The following ANO10 variants were observed in gnomAD, a reference collection of about 807,000 sequenced individuals.
The protein encoded by ANO10 is anoctamin 10.
ANO10 carries 77 observed loss-of-function variants against 74.7 expected under a neutral mutation model. That is an observed-to-expected ratio of 1.03 (90% CI 0.86 to 1.25). The LOEUF is 1.25. Among genes scored for constraint, ANO10 ranks in the 50% most tolerant of loss-of-function variants. The pLI is 0.00. For missense variants in ANO10, 721 were observed against 778.1 expected (o/e 0.93, Z 0.87); for synonymous variants, 279 against 284.9 (o/e 0.98, Z 0.21).
chr3:43,410,344 G>A (rs913125387), intron 12 of ANO10, among the ~76,000 whole-genome samples: 2 of 151,960 alleles, frequency 1.3e-5, no homozygotes, highest in African/African-American at 4.8e-5. Flanking sequence ...TTGAATTCCC[G>A]GGCTTAAGAG....
intron 1 of ANO10, among the ~76,000 whole-genome samples, chr3:43,687,329 T>C (rs1439993171): frequency 1.3e-5 from 2 of 152,208 alleles, no homozygotes; most frequent in Non-Finnish European, 2.9e-5. Context: ...CCCTTCTCCA[T>C]GCCCTCACTC....
intron 11 of ANO10, among the ~76,000 whole-genome samples, chr3:43,501,979 G>A (rs1327729172): frequency 6.6e-6 from 1 of 152,152 alleles, no homozygotes; most frequent in Admixed American, 6.5e-5. Flanking sequence ...CCATAGGATG[G>A]CTACTATAAA....
intron 11 of ANO10, among the ~76,000 whole-genome samples, chr3:43,546,933 TAAG>T (rs2079219872): frequency 6.6e-6 from 1 of 152,050 alleles, no homozygotes; most frequent in Admixed American, 6.6e-5. Flanking sequence ...CCCACAGATC[TAAG>T]AAGCTGAGCA....
rs36126977 is a variant in ANO10 at position 43,466,369 on chromosome 3, C to CAAA, written c.1798-33645_1798-33643dup. Among the ~76,000 whole-genome samples the CAAA allele has an allele frequency of 8.2e-4, 37 of 45,374 alleles. No individual in the cohort carries two copies. The East Asian group carries it at 0.018, about 22-fold the overall frequency. The allele number at this position is 45,374 out of a possible 152,430, so 29.8% of individuals were successfully genotyped here. On this transcript the variant is annotated intron_variant, in intron 11 of 12. Coordinates refer to ENST00000292246, the MANE Select transcript of ANO10 (RefSeq NM_018075.5). Reference sequence around the variant, plus strand: ...CTGGTGACAGAGCAAGACTCCATCTCAAAAAAAAAAAAAAAAAACAAACAA... The same window carrying CAAA: ...CTGGTGACAGAGCAAGACTCCATCTCAAAAAAAAAAAAAAAAAAAAACAAACAA...
At chr3:43,451,324 C>A (rs1223578835) in intron 11 of ANO10, among the ~76,000 whole-genome samples, 1 of 152,192 alleles carries the variant, frequency 6.6e-6, no homozygotes, top group African/African-American at 2.4e-5. Flanking sequence ...CTGTACCCAC[C>A]GACTAGTCTA....
chr3:43,386,905 G>C (rs139334440), intron 12 of ANO10, among the ~76,000 whole-genome samples: 1 of 152,188 alleles, frequency 6.6e-6, no homozygotes, highest in African/African-American at 2.4e-5. Context: ...TCTCCACTGG[G>C]AGGACAGAGG....
In ANO10 at chr3:43,605,708, A is replaced by T; in HGVS notation, c.139+6T>A. The T allele has an allele frequency of 6.2e-7, 1 of 1,612,172 alleles. No individual in the cohort carries two copies. The highest frequency in any genetic ancestry group is 1.3e-5 in the African/African-American group (1 of 74,968). On this transcript the variant is annotated splice_donor_region_variant and intron_variant, in intron 2 of 12. Coordinates refer to ENST00000292246, the MANE Select transcript of ANO10 (RefSeq NM_018075.5). ...ACTAAGTCTGAGCAGTGACTATTTT[A>T]CTCACCTCCATCTTTTTTTTTAGCT...
chr3:43,563,981 C>T (rs1337268074), intron 8 of ANO10, among the ~76,000 whole-genome samples: 3 of 152,142 alleles, frequency 2.0e-5, no homozygotes, highest in South Asian at 4.2e-4. Flanking sequence ...GTATTGTATG[C>T]TCCCAACATA....
intron 1 of ANO10, among the ~76,000 whole-genome samples, chr3:43,630,884 T>C (rs1006250683): frequency 1.4e-5 from 2 of 141,246 alleles, no homozygotes; most frequent in African/African-American, 2.5e-5. Context: ...CTTTGATGCC[T>C]TTTTTTTCCC....
chr3:43,403,925 C>G (rs1050733717), intron 12 of ANO10, among the ~76,000 whole-genome samples: 3 of 152,154 alleles, frequency 2.0e-5, no homozygotes, highest in Non-Finnish European at 4.4e-5. Flanking sequence ...GTAACCATAC[C>G]TTGTATAACA....
chr3:43,678,990 G>C (rs1363674839), intron 1 of ANO10, among the ~76,000 whole-genome samples: 1 of 152,156 alleles, frequency 6.6e-6, no homozygotes, highest in Non-Finnish European at 1.5e-5. Context: ...AGGAACAGCT[G>C]CAGTCTACAG....
At chr3:43,550,830 C>T (rs1320003861) in intron 10 of ANO10, among the ~76,000 whole-genome samples, 1 of 151,988 alleles carries the variant, frequency 6.6e-6, no homozygotes, top group Non-Finnish European at 1.5e-5. Context: ...TTTCCCTTGT[C>T]CCCTTTTCTT....
At chr3:43,568,980 G>A (rs1208501882) in intron 7 of ANO10, among the ~76,000 whole-genome samples, 269 of 135,372 alleles carry the variant, frequency 2.0e-3, no homozygotes, top group Middle Eastern at 3.8e-3. Context: ...TCAAATAGAC[G>A]CAATAAAAAA....
At chr3:43,631,958 A>G (rs2083552753) in intron 1 of ANO10, among the ~76,000 whole-genome samples, 1 of 151,494 alleles carries the variant, frequency 6.6e-6, no homozygotes, top group African/African-American at 2.4e-5. Flanking sequence ...CTATAATCCC[A>G]GCTACTTGGG....
intron 12 of ANO10, among the ~76,000 whole-genome samples, chr3:43,393,864 C>G (rs888938346): frequency 2.0e-5 from 3 of 152,006 alleles, no homozygotes; most frequent in Admixed American, 2.0e-4. Flanking sequence ...ACCCCTAACC[C>G]CTCCATTTCC....
chr3:43,507,766 G>A (rs1055975047), intron 11 of ANO10, among the ~76,000 whole-genome samples: 2 of 152,162 alleles, frequency 1.3e-5, no homozygotes, highest in South Asian at 2.1e-4. Context: ...CTAGGGGGCC[G>A]TTCTGTCACT....
intron 12 of ANO10, among the ~76,000 whole-genome samples, chr3:43,378,381 G>T (rs1021738537): frequency 6.6e-6 from 1 of 152,134 alleles, no homozygotes; most frequent in Non-Finnish European, 1.5e-5. Flanking sequence ...AAACACTAAG[G>T]CCATCACCAA....
intron 12 of ANO10, among the ~76,000 whole-genome samples, chr3:43,418,955 T>C (rs1209871396): frequency 6.6e-6 from 1 of 152,270 alleles, no homozygotes; most frequent in Non-Finnish European, 1.5e-5. Context: ...GCAGCAGAAC[T>C]ATTAGCTGTG....
chr3:43,533,169 C>G (rs1279344128), intron 11 of ANO10, among the ~76,000 whole-genome samples: 1 of 152,014 alleles, frequency 6.6e-6, no homozygotes, highest in African/African-American at 2.4e-5. Context: ...CAAGTGAAAC[C>G]AAGAAAGCTG....
Sources: gnomAD v4.1 joint callset for allele counts (sites outside exome capture counted in the v4.1 genomes callset) on GRCh38, gnomAD v4.1.1 for gene constraint, MANE v1.5 for transcripts, NCBI Gene and HGNC (gene_info 2026-07-23, HGNC 2026-07-21) for gene names.